MSH3: variants seen among roughly 807,000 people sequenced by gnomAD.
The protein encoded by MSH3 is mutS homolog 3.
Under a neutral mutation model 123.3 loss-of-function variants are expected in MSH3, and 106 were observed. That is an observed-to-expected ratio of 0.86 (90% confidence interval 0.73 to 1.01). MSH3 has a LOEUF of 1.01. MSH3 is among the 50% of genes least tolerant of loss of function. MSH3 has a pLI of 0.00. For missense variants in MSH3, 1,459 were observed against 1,347.6 expected, an observed-to-expected ratio of 1.08 and a Z score of -1.29; for synonymous variants, 515 against 481.4, an observed-to-expected ratio of 1.07 and a Z score of -0.91.
intron 18 of MSH3, 46 bp downstream of exon 18, chr5:80,787,718 TG>T (rs1208714330): frequency 8.1e-7 from 1 of 1,238,720 alleles, no homozygotes. Context: ...TTAGATAAGA[TG>T]ACATTATTCA....
intron 12 of MSH3, among the ~76,000 whole-genome samples, chr5:80,758,676 CA>C (rs2112878001): frequency 6.6e-6 from 1 of 152,214 alleles, no homozygotes; most frequent in South Asian, 2.1e-4. Flanking sequence ...TCCCAGATTC[CA>C]AACCAACTTG....
intron 19 of MSH3, among the ~76,000 whole-genome samples, chr5:80,812,829 A>G (rs2112053009): frequency 6.6e-6 from 1 of 152,182 alleles, no homozygotes; most frequent in East Asian, 1.9e-4. Context: ...AAGTGCTGAG[A>G]TTACAGGTGT....
At chr5:80,872,217 C>T (rs1746226320) in intron 22 of MSH3, among the ~76,000 whole-genome samples, 1 of 152,106 alleles carries the variant, frequency 6.6e-6, no homozygotes. Context: ...TGCCTGTAAT[C>T]CCAGCACTTT....
chr5:80,825,231 A>T lies in MSH3; in HGVS notation c.2813+11490A>T, dbSNP rs530340937. ...ATTGCCCTCTACCCTATCCATAGTAACTAACTGGTTGTCCTTGACTTTGGT... is the reference window on the plus strand; with the variant it reads ...ATTGCCCTCTACCCTATCCATAGTATCTAACTGGTTGTCCTTGACTTTGGT... On this transcript the variant is annotated intron_variant, in intron 20 of 23. Coordinates refer to ENST00000265081, the MANE Select transcript of MSH3 (RefSeq NM_002439.5). 5.1e-4 allele frequency among the ~76,000 whole-genome samples: 78 copies of T among 152,266 alleles called. 1 individual carries two copies. The highest frequency in any genetic ancestry group is 1.8e-3 in the African/African-American group (75 of 41,550).
chr5:80,729,460 G>GTGTGTATATATATATATA (rs1277559108), intron 10 of MSH3, among the ~76,000 whole-genome samples: 1 of 95,022 alleles, frequency 1.1e-5, no homozygotes, highest in African/African-American at 4.2e-5. Flanking sequence ...GTGTGTGTGT[G>GTGTGTATATATATATATA]TATATATATA....
rs372204576 is a variant in MSH3 at position 80,787,552 on chromosome 5, G to T, written c.2436-13G>T. The T allele has an allele frequency of 1.3e-3, 2,106 of 1,589,706 alleles. 5 individuals are homozygous for T. Among genetic ancestry groups the T allele is most frequent in the Non-Finnish European group, 1.7e-3 (1,972 of 1,158,070 alleles). ...GTTTGCTCACCTTTTTGTTGTTGCT[G>T]CTGCTTCCGTAGGAAATTCAGTGAA... On this transcript the variant is annotated splice_polypyrimidine_tract_variant and intron_variant, in intron 17 of 23. Coordinates refer to ENST00000265081, the MANE Select transcript of MSH3 (RefSeq NM_002439.5).
Position 80,813,673 on chromosome 5 carries a change from G to A in MSH3, c.2745G>A (p.Met915Ile), listed in dbSNP as rs747542374. The change falls in exon 20 of 24, where the codon ATG becomes ATA. Residue 915 changes from methionine (M) to isoleucine (I), a missense_variant. Coordinates refer to ENST00000265081, the MANE Select transcript of MSH3 (RefSeq NM_002439.5). Reference sequence around the variant, plus strand: ...AACAAGTTGCATTGATTACCATCATGGCTCAGATTGGCTCCTATGTTCCTG... The same window carrying A: ...AACAAGTTGCATTGATTACCATCATAGCTCAGATTGGCTCCTATGTTCCTG... The part of the protein sequence containing the change: ...YIKQVALITI[M>I]AQIGSYVPAE... The A allele has an allele frequency of 2.5e-6, 4 of 1,614,018 alleles. No homozygotes were observed. The highest frequency in any genetic ancestry group is 2.5e-6 in the Non-Finnish European group (3 of 1,179,994).
chr5:80,724,076 C>G (rs1457474731), intron 8 of MSH3, among the ~76,000 whole-genome samples: 1 of 152,050 alleles, frequency 6.6e-6, no homozygotes, highest in African/African-American at 2.4e-5. Context: ...TTCTGGAAAT[C>G]GTAGAGGGAT....
intron 7 of MSH3, among the ~76,000 whole-genome samples, chr5:80,676,127 T>A (rs2112816945): frequency 6.6e-6 from 1 of 152,212 alleles, no homozygotes; most frequent in African/African-American, 2.4e-5. Flanking sequence ...GCCTCCTAGG[T>A]TCAAGCAATT....
chr5:80,729,430 A>AAGTGTG (rs1491210653), intron 10 of MSH3, among the ~76,000 whole-genome samples: 69 of 78,368 alleles, frequency 8.8e-4, no homozygotes, highest in African/African-American at 3.7e-3. Flanking sequence ...AAAAAAAAAA[A>AAGTGTG]TGTGTGTGTG....
At chr5:80,716,702 C>T (rs1750968580) in intron 8 of MSH3, among the ~76,000 whole-genome samples, 1 of 152,102 alleles carries the variant, frequency 6.6e-6, no homozygotes, top group Admixed American at 6.5e-5. Flanking sequence ...GGATACCTGT[C>T]ACCTCAGACA....
chr5:80,672,381 G>T (rs1749743608), intron 5 of MSH3, 21 bp downstream of exon 5: 5 of 1,550,626 alleles, frequency 3.2e-6, no homozygotes, highest in Non-Finnish European at 4.5e-6. Context: ...GCTTTAACTT[G>T]TGGGGAAAGG....
chr5:80,723,402 C>T (rs764381137), intron 8 of MSH3, among the ~76,000 whole-genome samples: 3 of 151,970 alleles, frequency 2.0e-5, no homozygotes, highest in Non-Finnish European at 2.9e-5. Flanking sequence ...TCATCAGGGA[C>T]GTATGGAATG....
chr5:80,741,544 A>G lies in MSH3; in HGVS notation c.1649A>G (p.Asn550Ser). Residue 550 changes from asparagine (N) to serine (S), a missense_variant, in exon 11 of 24, where the codon AAT becomes AGT. Asn to Ser is a conservative substitution (Grantham distance 46). Transcript: ENST00000265081. ...TTLRNLEILQ[N>S]QTDMKTKGSL... The stretch of plus-strand genomic sequence containing the variant: ...TTAAGGAATCTGGAAATCCTACAGA[A>G]TCAGGTCAGGCAAATACAAGGGCTA... The G allele has an allele frequency of 1.2e-6, 2 of 1,607,514 alleles. No homozygotes were observed. Among genetic ancestry groups the G allele is most frequent in the South Asian group, 1.1e-5 (1 of 90,936 alleles).
intron 20 of MSH3, among the ~76,000 whole-genome samples, chr5:80,816,531 T>C (rs138679340): frequency 6.2e-4 from 95 of 152,292 alleles, no homozygotes; most frequent in Middle Eastern, 3.4e-3. Flanking sequence ...CATGGTAAAC[T>C]ATTGAAGAAT....
chr5:80,761,402 C>A, intron 12 of MSH3, 144 bp from the exon 13 acceptor site: 1 of 1,007,418 alleles, frequency 9.9e-7, no homozygotes, highest in East Asian at 2.5e-5. Flanking sequence ...GGGAGTCCTT[C>A]CCACATGACT....
At chr5:80,806,180 C>T (rs1411333270) in intron 19 of MSH3, among the ~76,000 whole-genome samples, 1 of 152,170 alleles carries the variant, frequency 6.6e-6, no homozygotes, top group East Asian at 1.9e-4. Flanking sequence ...CTCACAGCAA[C>T]CTCCGCCTCC....
intron 2 of MSH3, among the ~76,000 whole-genome samples, chr5:80,664,466 A>C (rs1424421666): frequency 1.4e-5 from 2 of 145,008 alleles, no homozygotes; most frequent in African/African-American, 2.6e-5. Context: ...CTCAGCATAC[A>C]TTGTGTCTGT....
chr5:80,735,280 A>G (rs1347576788), intron 10 of MSH3, among the ~76,000 whole-genome samples: 3 of 148,816 alleles, frequency 2.0e-5, no homozygotes, highest in African/African-American at 7.4e-5. Context: ...GCTACTTGAG[A>G]GGCTGAGGCA....
Sources: allele counts gnomAD v4.1 joint callset (sites outside exome capture counted in the v4.1 genomes callset), GRCh38; gene constraint gnomAD v4.1.1; transcripts MANE v1.5; gene names NCBI Gene and HGNC (gene_info 2026-07-23, HGNC 2026-07-21).